TM9SF3: variants seen among roughly 807,000 people sequenced by gnomAD.
The protein encoded by TM9SF3 is transmembrane 9 superfamily member 3, also known as SM-11044-binding protein.
In TM9SF3, 14 loss-of-function variants were observed where a neutral mutation model predicts 78.6. The observed-to-expected ratio is 0.18, with a 90% CI of 0.12 to 0.28. TM9SF3 has a LOEUF of 0.28. Among genes scored for constraint, TM9SF3 ranks in the 10% least tolerant of loss-of-function variants. The probability of loss-of-function intolerance (pLI) is 1.00; values close to 1 mark genes in which losing one functional copy is unlikely to be tolerated. For synonymous variants in TM9SF3, 231 were observed against 241.7 expected (o/e 0.96, Z 0.41); for missense variants, 496 against 721.9 (o/e 0.69, Z 3.59).
chr10:96,530,622 A>G lies in TM9SF3; in HGVS notation c.1326-14T>C. The G allele has an allele frequency of 6.2e-7, 1 of 1,601,162 alleles. No homozygotes were observed. Among genetic ancestry groups the G allele is most frequent in the Middle Eastern group, 1.7e-4 (1 of 6,000 alleles). On this transcript the variant is annotated splice_polypyrimidine_tract_variant and intron_variant, in intron 10 of 14. Transcript: ENST00000371142. ...GGCTCCATGAACCTGGAAAATATTA[A>G]AATTAATAGTAAACTTCTAGTATGA...
intron 3 of TM9SF3, among the ~76,000 whole-genome samples, chr10:96,564,571 A>G (rs933339584): frequency 6.6e-6 from 1 of 152,350 alleles, no homozygotes; most frequent in East Asian, 1.9e-4. Flanking sequence ...TGCTGATCTG[A>G]TATGTTCAGA....
In TM9SF3 at chr10:96,586,768, A is replaced by T; in HGVS notation, c.68T>A (p.Leu23Gln). 7.9e-7 allele frequency: 1 copy of T among 1,262,528 alleles called. No homozygotes were observed. Among genetic ancestry groups the T allele is most frequent in the Non-Finnish European group, 1.0e-6 (1 of 1,001,398 alleles). The allele number at this position is 1,262,528 out of a possible 1,614,324, so 78.2% of individuals were successfully genotyped here. A position where few individuals can be genotyped will look rare whatever the true frequency, so the allele number is the denominator to read the frequency against. Reference sequence around the variant, plus strand: ...GTGCTCGTCCGCCCGGGTCCGGGGCAGCAGCAGCAGCAGCAGCCACAGCGC... The same window carrying T: ...GTGCTCGTCCGCCCGGGTCCGGGGCTGCAGCAGCAGCAGCAGCCACAGCGC... The part of the protein sequence containing the change: ...AAALWLLLLL[L>Q]PRTRADEHEH... The change falls in exon 1 of 15, where the codon CTG becomes CAG. Residue 23 changes from leucine to glutamine, a missense_variant. By Grantham distance (113) the Leu-to-Gln change is moderately radical. Coordinates refer to ENST00000371142, the MANE Select transcript of TM9SF3 (RefSeq NM_020123.4).
chr10:96,562,216 G>GTTTTTTTTTT, intron 3 of TM9SF3, 78 bp from the exon 4 acceptor site: 1 of 560,868 alleles, frequency 1.8e-6, no homozygotes, highest in South Asian at 2.3e-5. Context: ...TGCTCATTAA[G>GTTTTTTTTTT]TTTTTTTTTT....
intron 10 of TM9SF3, 78 bp from the exon 11 acceptor site, chr10:96,530,686 A>G (rs937480265): frequency 8.5e-6 from 11 of 1,291,214 alleles, no homozygotes; most frequent in Middle Eastern, 2.1e-4. Context: ...GAAAGCAGGT[A>G]CTTGACACTT....
chr10:96,567,056 T>C (rs895181716), intron 2 of TM9SF3, among the ~76,000 whole-genome samples: 10 of 150,502 alleles, frequency 6.6e-5, no homozygotes, highest in African/African-American at 2.2e-4. Flanking sequence ...CTAAGATATA[T>C]ACAGTATGGC....
intron 1 of TM9SF3, among the ~76,000 whole-genome samples, chr10:96,577,731 T>A (rs139713191): frequency 1.3e-5 from 2 of 152,330 alleles, no homozygotes; most frequent in Admixed American, 6.5e-5. Context: ...GTGCTTAGCA[T>A]GTGAAACAAC....
At chr10:96,524,024 C>T (rs550937328) in intron 14 of TM9SF3, among the ~76,000 whole-genome samples, 26 of 151,634 alleles carry the variant, frequency 1.7e-4, no homozygotes, top group African/African-American at 5.3e-4. Context: ...GTCTAAGATT[C>T]ATGTCAGAAT....
chr10:96,529,589 A>G (rs140365890), intron 11 of TM9SF3, among the ~76,000 whole-genome samples: 7 of 152,132 alleles, frequency 4.6e-5, no homozygotes, highest in East Asian at 1.9e-4. Context: ...TGTATTACCA[A>G]TGTCAAAGGA....
At chr10:96,558,577 C>T (rs991192731) in intron 5 of TM9SF3, among the ~76,000 whole-genome samples, 56 of 150,592 alleles carry the variant, frequency 3.7e-4, no homozygotes, top group African/African-American at 1.2e-3. Flanking sequence ...ACCAAGGAGG[C>T]GGAGGTTGCA....
intron 9 of TM9SF3, among the ~76,000 whole-genome samples, chr10:96,536,860 G>A (rs932943390): frequency 1.3e-5 from 2 of 152,150 alleles, no homozygotes; most frequent in South Asian, 2.1e-4. Flanking sequence ...TCACAGGCAC[G>A]ATCATAGAGC....
At chr10:96,554,812 T>C (rs1589454894) in intron 5 of TM9SF3, among the ~76,000 whole-genome samples, 1 of 152,222 alleles carries the variant, frequency 6.6e-6, no homozygotes, top group Admixed American at 6.5e-5. Context: ...CCACCTCATA[T>C]ATAACACTTG....
rs559897248 is a variant in TM9SF3 at position 96,550,450 on chromosome 10, T to C, written c.959+795A>G. Among the ~76,000 whole-genome samples the C allele has an allele frequency of 5.9e-5, 9 of 152,292 alleles. No individual in the cohort carries two copies. In the South Asian group the frequency reaches 1.7e-3, roughly 28 times the overall value. On this transcript the variant is annotated intron_variant, in intron 7 of 14. Transcript: ENST00000371142. ...ATAGAGGAAAGAGTGCATTATGAAC[T>C]AAAACAGAGGCATGAAATATAACTA...
chr10:96,587,003 G>T lies in TM9SF3; in HGVS notation c.-168C>A. The T allele has an allele frequency of 2.7e-6, 1 of 365,622 alleles. No homozygotes were observed. Among genetic ancestry groups the T allele is most frequent in the Non-Finnish European group, 4.2e-6 (1 of 235,684 alleles). 22.6% of individuals were successfully genotyped at this position (365,622 alleles called of 1,614,324 possible). On this transcript the variant is annotated 5_prime_UTR_variant, in exon 1 of 15. Transcript: ENST00000371142. ...CTCTGCCGCCGCCGTCGCCGTCACC[G>T]CCCGCTCCTGAGCCTCCCCCGCCCC...
intron 8 of TM9SF3, among the ~76,000 whole-genome samples, chr10:96,547,403 C>T (rs1471783572): frequency 6.6e-6 from 1 of 152,036 alleles, no homozygotes; most frequent in African/African-American, 2.4e-5. Flanking sequence ...TTACATGGTG[C>T]ACAAAGGAGA....
chr10:96,579,916 C>G (rs751000460), intron 1 of TM9SF3, among the ~76,000 whole-genome samples: 3 of 152,188 alleles, frequency 2.0e-5, no homozygotes, highest in Non-Finnish European at 4.4e-5. Flanking sequence ...CTTCACACAA[C>G]TTCTGAAGGA....
intron 2 of TM9SF3, among the ~76,000 whole-genome samples, chr10:96,566,877 G>A (rs1848379156): frequency 6.6e-6 from 1 of 152,184 alleles, no homozygotes; most frequent in Non-Finnish European, 1.5e-5. Context: ...AGCTACGGAA[G>A]GGATATTCAG....
chr10:96,519,516 A>C lies in TM9SF3; in HGVS notation c.*2747T>G, dbSNP rs1847737685. 1 of 152,038 alleles carries C rather than the reference A, an allele frequency of 6.6e-6. No homozygotes were observed. Among genetic ancestry groups the C allele is most frequent in the Non-Finnish European group, 1.5e-5 (1 of 67,882 alleles). 9.4% of individuals were successfully genotyped at this position (152,038 alleles called of 1,614,324 possible). A position where few individuals can be genotyped will look rare whatever the true frequency, so the allele number is the denominator to read the frequency against. ...TTAGGATATATGTATACAAATGTCAACTACTAATGTAGTTAAATTTCAGGA... is the reference window on the plus strand; with the variant it reads ...TTAGGATATATGTATACAAATGTCACCTACTAATGTAGTTAAATTTCAGGA... On this transcript the variant is annotated 3_prime_UTR_variant, in exon 15 of 15. Transcript: ENST00000371142.
rs116443169 is a variant in TM9SF3, at chr10:96,550,486, T to C, written c.959+759A>G. On this transcript the variant is annotated intron_variant, in intron 7 of 14. Coordinates refer to ENST00000371142, the MANE Select transcript of TM9SF3 (RefSeq NM_020123.4). ...CATGAAATATAACTAGAGAAAAGTG[T>C]CATTCTGAAGGAGGACTTCATATGG... is the stretch of plus-strand genomic sequence containing the variant. Among the ~76,000 whole-genome samples the C allele has an allele frequency of 4.9e-3, 744 of 152,288 alleles. 8 individuals carry two copies. Among genetic ancestry groups the C allele is most frequent in the African/African-American group, 0.017 (714 of 41,546 alleles).
Position 96,581,973 on chromosome 10 carries a change from C to T in TM9SF3, c.102+4761G>A, listed in dbSNP as rs79136025. On this transcript the variant is annotated intron_variant, in intron 1 of 14. Coordinates refer to ENST00000371142, the MANE Select transcript of TM9SF3 (RefSeq NM_020123.4). The stretch of plus-strand genomic sequence containing the variant: ...AAGACTATGCATCTTAAAGGAATAA[C>T]GGCCTCAGTTTGTTCATTGTGCTTC... Among the ~76,000 whole-genome samples the T allele has an allele frequency of 1.3e-3, 193 of 152,298 alleles. 5 individuals are homozygous for T. In the East Asian group the frequency reaches 0.033, roughly 26 times the overall value.
Sources: allele counts gnomAD v4.1 joint callset (sites outside exome capture counted in the v4.1 genomes callset), GRCh38; gene constraint gnomAD v4.1.1; transcripts MANE v1.5; gene names NCBI Gene and HGNC (gene_info 2026-07-23, HGNC 2026-07-21).